The following TUBGCP5 variants were observed in gnomAD, a reference collection of about 807,000 sequenced individuals.
TUBGCP5 encodes tubulin gamma complex component 5.
Under a neutral mutation model 134.7 loss-of-function variants are expected in TUBGCP5, and 98 were observed. That is an observed-to-expected ratio of 0.73 (90% CI 0.62 to 0.86). TUBGCP5 has a LOEUF of 0.86. Among genes scored for constraint, TUBGCP5 ranks in the 40% least tolerant of loss-of-function variants. The pLI, the probability that TUBGCP5 is intolerant of heterozygous loss-of-function variation, is 0.00. For missense variants in TUBGCP5, 1,150 were observed against 1,244.8 expected (o/e 0.92, Z 1.15); for synonymous variants, 456 against 431.4 (o/e 1.06, Z -0.71).
intron 5 of TUBGCP5, among the ~76,000 whole-genome samples, 182 bp from the exon 6 acceptor site, chr15:23,031,202 C>A (rs1348807621): frequency 1.3e-5 from 2 of 151,940 alleles, no homozygotes; most frequent in Admixed American, 1.3e-4. Context: ...AATATGATTA[C>A]TACTTTTTCT....
chr15:23,037,579 A>G (rs993537554), intron 1 of TUBGCP5, among the ~76,000 whole-genome samples: 2 of 152,214 alleles, frequency 1.3e-5, no homozygotes, highest in Admixed American at 6.5e-5. Context: ...CAGTTGTCAA[A>G]TATTTAAAGA....
chr15:22,997,180 C>T (rs1159366525), downstream of TUBGCP5, among the ~76,000 whole-genome samples: 1 of 146,320 alleles, frequency 6.8e-6, no homozygotes, highest in African/African-American at 2.5e-5. Context: ...CCAATAATTC[C>T]TTTTTTTTTT....
chr15:23,033,480 T>C (rs560633183), intron 3 of TUBGCP5, among the ~76,000 whole-genome samples: 6 of 152,278 alleles, frequency 3.9e-5, no homozygotes, highest in African/African-American at 1.2e-4. Context: ...GGTTTCACCA[T>C]GTTGGCCAGG....
chr15:23,020,686 C>G (rs2065632594), intron 11 of TUBGCP5, among the ~76,000 whole-genome samples: 1 of 151,874 alleles, frequency 6.6e-6, no homozygotes, highest in African/African-American at 2.4e-5. Context: ...ATGTACATAC[C>G]CAACTAAGAC....
intron 14 of TUBGCP5, among the ~76,000 whole-genome samples, chr15:23,010,701 T>G (rs1044047656): frequency 6.6e-6 from 1 of 151,934 alleles, no homozygotes; most frequent in African/African-American, 2.4e-5. Flanking sequence ...AGGATAGGCA[T>G]GGCATGGTGG....
At chr15:23,004,038 C>A in intron 20 of TUBGCP5, 64 bp downstream of exon 20, 1 of 1,521,456 alleles carries the variant, frequency 6.6e-7, no homozygotes, top group South Asian at 1.3e-5. Flanking sequence ...CATAAAATTC[C>A]AAAGCACGCA....
At chr15:23,032,920 A>G (rs866483081) in intron 3 of TUBGCP5, 96 bp from the exon 4 acceptor site, 5 of 872,150 alleles carry the variant, frequency 5.7e-6, no homozygotes, top group Admixed American at 5.8e-5. Context: ...TATGTCCCCA[A>G]TTTTTTTCCT....
intron 16 of TUBGCP5, among the ~76,000 whole-genome samples, chr15:23,006,755 C>T (rs2064739043): frequency 6.6e-6 from 1 of 152,020 alleles, no homozygotes; most frequent in African/African-American, 2.4e-5. Context: ...CTTCGAGAGC[C>T]CCATCGAGAT....
Position 23,004,127 on chromosome 15 carries a change from T to TG in TUBGCP5, c.2812dup (p.His938ProfsTer2). 6.2e-7 allele frequency: 1 copy of TG among 1,612,282 alleles called. No homozygotes were observed. The highest frequency in any genetic ancestry group is 8.5e-7 in the Non-Finnish European group (1 of 1,179,532). On this transcript the variant is annotated frameshift_variant, in exon 20 of 23. Transcript: ENST00000615383. LOFTEE classifies it high-confidence loss of function. The stretch of plus-strand genomic sequence containing the variant: ...CTTTTCTCTCAGCAGACACCGGTCA[T>TG]GGATGGTTGACAGATACCTATAGTG...
At position 23,023,907 on chromosome 15, in the gene TUBGCP5, G is replaced by A. The variant is rs564793182; in HGVS notation, c.1168+40C>T. The stretch of plus-strand genomic sequence containing the variant: ...ACTCTAAGTGGCATTCAAATTATGA[G>A]TTACGTGTAGTATGAGTAAAGATGA... On this transcript the variant is annotated intron_variant, in intron 10 of 22. Coordinates refer to ENST00000615383, the MANE Select transcript of TUBGCP5 (RefSeq NM_052903.6). 53 of 1,593,352 alleles carry A rather than the reference G, an allele frequency of 3.3e-5. No homozygotes were observed. The Middle Eastern group carries it at 5.6e-4, about 17-fold the overall frequency.
intron 3 of TUBGCP5, among the ~76,000 whole-genome samples, chr15:23,036,251 G>A: frequency 6.6e-6 from 1 of 152,264 alleles, no homozygotes. Flanking sequence ...GCTCAGCCGA[G>A]TGGCCCTGGG....
chr15:22,997,130 A>G (rs1489064551), downstream of TUBGCP5, among the ~76,000 whole-genome samples: 1 of 151,974 alleles, frequency 6.6e-6, no homozygotes, highest in Non-Finnish European at 1.5e-5. Flanking sequence ...GGCCTGTATT[A>G]CCATTTTCCT....
chr15:22,986,145 A>T (rs868490221), intron 23 of TUBGCP5, among the ~76,000 whole-genome samples: 2 of 87,958 alleles, frequency 2.3e-5, no homozygotes, highest in Admixed American at 1.1e-4. Flanking sequence ...AAAAAAAAAA[A>T]AAAATAATAA....
chr15:23,028,374 G>A (rs144258978), intron 6 of TUBGCP5, among the ~76,000 whole-genome samples: 327 of 113,336 alleles, frequency 2.9e-3, no homozygotes, highest in Admixed American at 4.2e-3. Context: ...AGCAGGGCCC[G>A]GTCTTAAAAA....
rs887105411 is a variant in TUBGCP5, at chr15:22,990,222, T to TC, written c.*62-6612dup. 5.3e-5 allele frequency among the ~76,000 whole-genome samples: 8 copies of TC among 149,594 alleles called. No individual in the cohort carries two copies. In the Admixed American group the frequency reaches 5.4e-4, roughly 10 times the overall value. ...GAGATGGCCCCATATCCATCAGCAC[T>TC]CCCCCTCCTTCTCCCACTCCTCCCC... On this transcript the variant is annotated intron_variant and NMD_transcript_variant, in intron 23 of 23. Coordinates refer to the TUBGCP5 transcript ENST00000614508.
intron 14 of TUBGCP5, 45 bp downstream of exon 14, chr15:23,011,088 A>G (rs1300400046): frequency 6.3e-7 from 1 of 1,592,662 alleles, no homozygotes; most frequent in Admixed American, 1.7e-5. Context: ...ACATTGCACA[A>G]ATGATGCCAT....
intron 21 of TUBGCP5, among the ~76,000 whole-genome samples, chr15:23,001,357 T>A (rs1357871022): frequency 1.3e-5 from 2 of 151,326 alleles, no homozygotes; most frequent in South Asian, 2.1e-4. Context: ...TTTTTTTTTT[T>A]AGACAGAGTT....
chr15:23,003,835 TA>T (rs2140418909), intron 20 of TUBGCP5, among the ~76,000 whole-genome samples: 1 of 152,080 alleles, frequency 6.6e-6, no homozygotes, highest in East Asian at 1.9e-4. Context: ...TAACTTTTTG[TA>T]AAGACAGAGT....
intron 23 of TUBGCP5, among the ~76,000 whole-genome samples, chr15:22,994,074 CCAA>C (rs1343902721): frequency 5.3e-5 from 8 of 151,958 alleles, no homozygotes; most frequent in Non-Finnish European, 8.8e-5. Flanking sequence ...CAGAATCTCT[CCAA>C]CAATAGGGTC....
Sources: gnomAD v4.1 joint callset for allele counts (sites outside exome capture counted in the v4.1 genomes callset) on GRCh38, gnomAD v4.1.1 for gene constraint, MANE v1.5 for transcripts, NCBI Gene and HGNC (gene_info 2026-07-23, HGNC 2026-07-21) for gene names.